SLC39A12: variants seen among roughly 807,000 people sequenced by gnomAD.
The protein encoded by SLC39A12 is solute carrier family 39 member 12.
A neutral mutation model predicts 71.1 loss-of-function variants in SLC39A12; 63 were observed. That is an observed-to-expected ratio of 0.89 (90% CI 0.72 to 1.09). The LOEUF (loss-of-function observed/expected upper bound fraction) is 1.09. Ranked by LOEUF, SLC39A12 falls within the 50% of genes least tolerant of loss-of-function variation. The pLI is 0.00. For synonymous variants in SLC39A12, 351 were observed against 301.3 expected (o/e 1.16, Z -1.71); for missense variants, 892 against 812.6 (o/e 1.10, Z -1.19).
intron 12 of SLC39A12, among the ~76,000 whole-genome samples, chr10:18,009,009 AAGAG>A (rs1303362080): frequency 1.3e-5 from 2 of 152,214 alleles, no homozygotes; most frequent in African/African-American, 4.8e-5. Context: ...GCGTTTGGAT[AAGAG>A]AGACTTTATT....
intron 8 of SLC39A12, among the ~76,000 whole-genome samples, 186 bp from the exon 9 acceptor site, chr10:17,992,995 A>C (rs1023103752): frequency 4.6e-5 from 7 of 152,226 alleles, no homozygotes; most frequent in Non-Finnish European, 1.5e-5. Flanking sequence ...AACTACCACT[A>C]TTCAAGCCTT....
At chr10:18,003,625 T>C (rs916223284) in intron 12 of SLC39A12, among the ~76,000 whole-genome samples, 2 of 152,162 alleles carry the variant, frequency 1.3e-5, no homozygotes, top group Admixed American at 6.5e-5. Context: ...TTTCTTTTAG[T>C]GATTTTAAGT....
At chr10:18,038,595 T>C (rs1014869368) in intron 12 of SLC39A12, among the ~76,000 whole-genome samples, 1 of 152,028 alleles carries the variant, frequency 6.6e-6, no homozygotes, top group Non-Finnish European at 1.5e-5. Flanking sequence ...GAGGTTGCAG[T>C]GAGCTGAGAT....
intron 12 of SLC39A12, among the ~76,000 whole-genome samples, chr10:18,038,908 T>C (rs930367887): frequency 6.6e-6 from 1 of 152,214 alleles, no homozygotes; most frequent in Non-Finnish European, 1.5e-5. Flanking sequence ...TGTAGGTTCA[T>C]GAAGATATTG....
chr10:18,036,002 G>A (rs527317767), intron 12 of SLC39A12, among the ~76,000 whole-genome samples: 64 of 152,198 alleles, frequency 4.2e-4, no homozygotes, highest in African/African-American at 1.4e-3. Flanking sequence ...GCAGTCTGCC[G>A]GTTCTCAGAT....
chr10:17,981,449 C>G lies in SLC39A12; in HGVS notation c.1062C>G (p.Asp354Glu). 1 of 1,613,564 alleles carries G rather than the reference C, an allele frequency of 6.2e-7. No individual in the cohort carries two copies. The highest frequency in any genetic ancestry group is 8.5e-7 in the Non-Finnish European group (1 of 1,179,716). Reference protein sequence around the residue: ...LLSCSCHLPKDQQAKLPPTTL... With the variant: ...LLSCSCHLPKEQQAKLPPTTL... ...GCTGCTCCTGCCACTTACCCAAGGA[C>G]CAACAAGCAAAGCTGCCACCTACCA... The change falls in exon 6 of 13, where the codon GAC (aspartate) becomes GAG (glutamate). Residue 354 changes from aspartate (D) to glutamate (E), a missense_variant. Transcript: ENST00000377369.
At chr10:18,019,998 A>AT (rs982756435) in intron 12 of SLC39A12, among the ~76,000 whole-genome samples, 12 of 150,808 alleles carry the variant, frequency 8.0e-5, no homozygotes, top group East Asian at 5.8e-4. Flanking sequence ...TTATCTTCCA[A>AT]TTTTTTTTTA....
intron 12 of SLC39A12, among the ~76,000 whole-genome samples, chr10:18,037,711 A>C (rs1204163106): frequency 6.6e-6 from 1 of 152,136 alleles, no homozygotes; most frequent in East Asian, 1.9e-4. Context: ...AAGACCTGGC[A>C]GGAAAGAAGT....
Position 18,035,501 on chromosome 10 carries a change from G to T in SLC39A12, c.1948-7204G>T, listed in dbSNP as rs1836977562. Among the ~76,000 whole-genome samples, 5 of 147,742 alleles carry T rather than the reference G, an allele frequency of 3.4e-5. No individual in the cohort carries two copies. In the South Asian group the frequency reaches 1.1e-3, roughly 32 times the overall value. On this transcript the variant is annotated intron_variant, in intron 12 of 12. Coordinates refer to ENST00000377369, the MANE Select transcript of SLC39A12 (RefSeq NM_001145195.2). The stretch of plus-strand genomic sequence containing the variant: ...CGAGCCTTGGTTTTCAGCTCCATCA[G>T]CTCCTTTAAGCACTTCTCTGTATTG...
intron 4 of SLC39A12, among the ~76,000 whole-genome samples, chr10:17,976,704 T>A (rs1379079994): frequency 6.6e-6 from 1 of 152,206 alleles, no homozygotes; most frequent in Non-Finnish European, 1.5e-5. Flanking sequence ...GAATCACAGG[T>A]GTGAGCCACC....
At chr10:18,019,389 A>C (rs532848637) in intron 12 of SLC39A12, among the ~76,000 whole-genome samples, 1 of 151,894 alleles carries the variant, frequency 6.6e-6, no homozygotes, top group African/African-American at 2.4e-5. Context: ...TTTTAATTTC[A>C]TTGATTTCTG....
intron 4 of SLC39A12, among the ~76,000 whole-genome samples, chr10:17,966,401 C>G (rs531967042): frequency 1.3e-5 from 2 of 152,212 alleles, no homozygotes; most frequent in East Asian, 1.9e-4. Context: ...ACCTCCAACT[C>G]TTGAGCCCAA....
intron 12 of SLC39A12, among the ~76,000 whole-genome samples, chr10:18,030,067 G>A (rs1836793280): frequency 6.6e-6 from 1 of 150,434 alleles, no homozygotes; most frequent in African/African-American, 2.4e-5. Context: ...ATACTAAAAA[G>A]AGCCAAGTAT....
At chr10:18,036,123 G>C (rs1244118210) in intron 12 of SLC39A12, among the ~76,000 whole-genome samples, 1 of 151,794 alleles carries the variant, frequency 6.6e-6, no homozygotes, top group Non-Finnish European at 1.5e-5. Context: ...CCTGCCCCCA[G>C]AGGTGGAGCC....
chr10:18,029,122 C>T (rs112675168), intron 12 of SLC39A12, among the ~76,000 whole-genome samples: 8,922 of 152,164 alleles, frequency 0.059, 368 homozygotes, highest in Middle Eastern at 0.13. Flanking sequence ...CCGCCCACCT[C>T]GGCCTCCCAA....
chr10:17,995,392 C>T, intron 9 of SLC39A12, among the ~76,000 whole-genome samples: 1 of 152,188 alleles, frequency 6.6e-6, no homozygotes, highest in East Asian at 1.9e-4. Flanking sequence ...TACAGACTGT[C>T]TCAGCAGCCT....
intron 12 of SLC39A12, among the ~76,000 whole-genome samples, chr10:18,024,129 G>C (rs1021999955): frequency 4.6e-5 from 7 of 152,122 alleles, no homozygotes; most frequent in Non-Finnish European, 7.4e-5. Flanking sequence ...TGGCTGTGTC[G>C]GGGTCCCAGG....
rs747229187 is a variant in SLC39A12 at position 18,040,956 on chromosome 10, AC to A, written c.1948-1748del. 3.3e-4 allele frequency among the ~76,000 whole-genome samples: 50 copies of A among 152,138 alleles called. No homozygotes were observed. In the East Asian group the frequency reaches 6.0e-3, roughly 18 times the overall value. Reference sequence around the variant, plus strand: ...ATGATTGTGGGCAGAGACACAGCTGACATCTAGTAGGAGCCATAGATACTGC... The same window carrying A: ...ATGATTGTGGGCAGAGACACAGCTGAATCTAGTAGGAGCCATAGATACTGC... On this transcript the variant is annotated intron_variant, in intron 12 of 12. Coordinates refer to ENST00000377369, the MANE Select transcript of SLC39A12 (RefSeq NM_001145195.2).
intron 2 of SLC39A12, among the ~76,000 whole-genome samples, chr10:17,959,044 T>C (rs1834620874): frequency 6.6e-6 from 1 of 152,196 alleles, no homozygotes; most frequent in Admixed American, 6.5e-5. Context: ...CAACAAATTG[T>C]AGCTAATAGT....
Sources: gnomAD v4.1 joint callset for allele counts (sites outside exome capture counted in the v4.1 genomes callset) on GRCh38, gnomAD v4.1.1 for gene constraint, MANE v1.5 for transcripts, NCBI Gene and HGNC (gene_info 2026-07-23, HGNC 2026-07-21) for gene names.